Variants in CPLX4 observed in about 807,000 individuals in gnomAD.
CPLX4 encodes the protein complexin-4.
CPLX4 carries 17 observed loss-of-function variants against 16.1 expected under a neutral mutation model. That is an observed-to-expected ratio of 1.06 (90% CI 0.72 to 1.59). The LOEUF is 1.59. Among genes scored for constraint, CPLX4 ranks in the 40% most tolerant of loss-of-function variants. CPLX4 has a pLI of 0.00. For synonymous variants in CPLX4, 55 were observed against 57.8 expected, an observed-to-expected ratio of 0.95 and a Z score of 0.22; for missense variants, 193 against 192.9, an observed-to-expected ratio of 1.00 and a Z score of 0.00.
chr18:59,306,962 A>G (rs2070580746), intron 2 of CPLX4, among the ~76,000 whole-genome samples: 1 of 152,220 alleles, frequency 6.6e-6, no homozygotes, highest in African/African-American at 2.4e-5. Context: ...AAGATGGCAC[A>G]GGTTAAGTAT....
chr18:59,297,185 C>T (rs2070507816), intron 2 of CPLX4, among the ~76,000 whole-genome samples: 1 of 152,104 alleles, frequency 6.6e-6, no homozygotes, highest in African/African-American at 2.4e-5. Flanking sequence ...GCAGCATTAG[C>T]ATCATCTAGA....
At chr18:59,302,085 C>T (rs1274590728) in intron 2 of CPLX4, among the ~76,000 whole-genome samples, 2 of 152,260 alleles carry the variant, frequency 1.3e-5, no homozygotes, top group South Asian at 4.1e-4. Context: ...GAGAAAGATC[C>T]GGGACACAGC....
At chr18:59,316,270 C>G (rs1335806532) in intron 1 of CPLX4, among the ~76,000 whole-genome samples, 1 of 152,048 alleles carries the variant, frequency 6.6e-6, no homozygotes, top group Non-Finnish European at 1.5e-5. Context: ...CACACACACA[C>G]ACACATTGAA....
At chr18:59,299,592 C>T (rs981217505) in intron 2 of CPLX4, among the ~76,000 whole-genome samples, 1 of 152,182 alleles carries the variant, frequency 6.6e-6, no homozygotes, top group Admixed American at 6.5e-5. Context: ...CCATCTATGG[C>T]TCTGCAGCGC....
intron 2 of CPLX4, among the ~76,000 whole-genome samples, chr18:59,298,100 T>A (rs933985129): frequency 2.6e-5 from 4 of 152,120 alleles, no homozygotes; most frequent in African/African-American, 9.7e-5. Context: ...TTTATTTTTT[T>A]TTTTTTTTAG....
chr18:59,307,753 A>ATT (rs527371314), intron 2 of CPLX4, among the ~76,000 whole-genome samples: 12,824 of 130,862 alleles, frequency 0.098, 803 homozygotes, highest in Middle Eastern at 0.14. Context: ...TGTTTTTCTG[A>ATT]TTTTTTTTTT....
intron 2 of CPLX4, among the ~76,000 whole-genome samples, chr18:59,297,161 T>C (rs1053352717): frequency 2.6e-5 from 4 of 152,046 alleles, no homozygotes; most frequent in Non-Finnish European, 4.4e-5. Flanking sequence ...TCTCCAAGTG[T>C]GGTCTCTGGA....
chr18:59,300,695 C>T (rs982623879), intron 2 of CPLX4, among the ~76,000 whole-genome samples: 2 of 152,202 alleles, frequency 1.3e-5, no homozygotes, highest in East Asian at 1.9e-4. Flanking sequence ...CTGTTAAGCA[C>T]TCACCCAGTA....
intron 2 of CPLX4, among the ~76,000 whole-genome samples, chr18:59,301,613 A>T (rs924753394): frequency 1.3e-4 from 20 of 152,216 alleles, no homozygotes; most frequent in African/African-American, 4.8e-4. Context: ...TCTGGAACCA[A>T]ATGTGGGCCT....
chr18:59,314,639 T>C (rs898784962), intron 1 of CPLX4, among the ~76,000 whole-genome samples: 3 of 152,020 alleles, frequency 2.0e-5, no homozygotes, highest in African/African-American at 7.2e-5. Context: ...CCTGGGAAAA[T>C]TCCCCCATCC....
intron 2 of CPLX4, among the ~76,000 whole-genome samples, chr18:59,312,311 T>C (rs145672504): frequency 2.6e-4 from 40 of 152,002 alleles, no homozygotes; most frequent in African/African-American, 9.4e-4. Context: ...AGAGGTTAAG[T>C]TAAAAACTGG....
intron 1 of CPLX4, among the ~76,000 whole-genome samples, chr18:59,316,054 CCAAA>C (rs1353448900): frequency 4.6e-5 from 7 of 152,240 alleles, no homozygotes; most frequent in African/African-American, 1.4e-4. Flanking sequence ...TACTAGGGGT[CCAAA>C]CAATTACTGA....
Position 59,318,476 on chromosome 18 carries a change from G to T in CPLX4, c.-14C>A, listed in dbSNP as rs754586305. Reference sequence around the variant, plus strand: ...AAGGAAAGCCATTTTCTCTGCCCCAGAAAAATAAAACCAAAATTCAGACAA... The same window carrying T: ...AAGGAAAGCCATTTTCTCTGCCCCATAAAAATAAAACCAAAATTCAGACAA... On this transcript the variant is annotated 5_prime_UTR_variant, in exon 1 of 3. The change creates a new upstream start codon in the 5' untranslated region. Coordinates refer to ENST00000299721, the MANE Select transcript of CPLX4 (RefSeq NM_181654.4). 7 of 1,541,186 alleles carry T rather than the reference G, an allele frequency of 4.5e-6. No homozygotes were observed. The highest frequency in any genetic ancestry group is 6.1e-6 in the Non-Finnish European group (7 of 1,146,198).
In CPLX4 at chr18:59,318,404, C is replaced by T; in HGVS notation, c.59G>A (p.Gly20Asp). ...SNQVKNLGFG[G>D]GSEENKEEGG... is the part of the protein sequence containing the mutation. Reference sequence around the variant, plus strand: ...TTCTTCTTTATTTTCTTCAGACCCACCACCAAATCCTAAATTCTTTACCTG... The same window carrying T: ...TTCTTCTTTATTTTCTTCAGACCCATCACCAAATCCTAAATTCTTTACCTG... The change falls in exon 1 of 3, where the codon GGT (glycine) becomes GAT (aspartate). Residue 20 changes from glycine to aspartate, a missense_variant. Physicochemically the swap from Gly to Asp is moderately conservative, Grantham distance 94. Coordinates refer to ENST00000299721, the MANE Select transcript of CPLX4 (RefSeq NM_181654.4). The T allele has an allele frequency of 5.6e-6, 9 of 1,613,820 alleles. No homozygotes were observed. The highest frequency in any genetic ancestry group is 7.6e-6 in the Non-Finnish European group (9 of 1,179,872).
chr18:59,318,507 G>GA lies in CPLX4; in HGVS notation c.-46dup, dbSNP rs369143524. The GA allele has an allele frequency of 0.011, 16,275 of 1,463,418 alleles. 310 individuals carry two copies. The highest frequency in any genetic ancestry group is 0.098 in the African/African-American group (6,823 of 69,398). The allele number at this position is 1,463,418 out of a possible 1,614,324, so 90.7% of individuals were successfully genotyped here. Reference sequence around the variant, plus strand: ...TAAAACCAAAATTCAGACAAAAGCTGAAAAAAAAAATCCAAACAAACCCAA... The same window carrying GA: ...TAAAACCAAAATTCAGACAAAAGCTGAAAAAAAAAAATCCAAACAAACCCAA... On this transcript the variant is annotated 5_prime_UTR_variant, in exon 1 of 3. Transcript: ENST00000299721.
intron 2 of CPLX4, among the ~76,000 whole-genome samples, chr18:59,304,653 C>A (rs1007556928): frequency 6.6e-6 from 1 of 152,114 alleles, no homozygotes; most frequent in African/African-American, 2.4e-5. Flanking sequence ...CTCACTGCAA[C>A]CTCCAACTCT....
At chr18:59,299,480 C>T (rs1053692539) in intron 2 of CPLX4, among the ~76,000 whole-genome samples, 2 of 152,114 alleles carry the variant, frequency 1.3e-5, no homozygotes, top group African/African-American at 4.8e-5. Context: ...TAGAGGAAAG[C>T]GTGTCAGCCA....
At chr18:59,307,791 G>A (rs187777745) in intron 2 of CPLX4, among the ~76,000 whole-genome samples, 1 of 134,064 alleles carries the variant, frequency 7.5e-6, no homozygotes, top group Admixed American at 8.7e-5. Context: ...TTGCTCTGTC[G>A]CCCAGGCTGG....
At chr18:59,299,849 C>A (rs1603391179) in intron 2 of CPLX4, among the ~76,000 whole-genome samples, 1 of 152,162 alleles carries the variant, frequency 6.6e-6, no homozygotes. Context: ...CTACTCAGAC[C>A]CACTGAATCA....
Sources: gnomAD v4.1 joint callset for allele counts (sites outside exome capture counted in the v4.1 genomes callset) on GRCh38, gnomAD v4.1.1 for gene constraint, MANE v1.5 for transcripts, NCBI Gene and HGNC (gene_info 2026-07-23, HGNC 2026-07-21) for gene names.